SHE: variants seen among roughly 807,000 people sequenced by gnomAD.
SHE encodes Src homology 2 domain containing E, also known as SH2 domain-containing adapter protein E.
A neutral mutation model predicts 49.8 loss-of-function variants in SHE; 11 were observed. That is an observed-to-expected ratio of 0.22 (90% CI 0.14 to 0.37). The LOEUF (loss-of-function observed/expected upper bound fraction) is 0.37, where lower values mean the gene tolerates loss of function less well. SHE is among the 10% of genes least tolerant of loss of function. The pLI is 1.00. For missense variants in SHE, 624 were observed against 655.5 expected (o/e 0.95, Z 0.52); for synonymous variants, 310 against 278.1 (o/e 1.11, Z -1.14).
chr1:154,492,790 T>G lies in SHE; in HGVS notation c.719-3434A>C, dbSNP rs571274917. 3.3e-5 allele frequency among the ~76,000 whole-genome samples: 5 copies of G among 152,362 alleles called. No homozygotes were observed. In the South Asian group the frequency reaches 1.0e-3, roughly 32 times the overall value. On this transcript the variant is annotated intron_variant, in intron 2 of 5. Coordinates refer to ENST00000304760, the MANE Select transcript of SHE (RefSeq NM_001010846.3). The stretch of plus-strand genomic sequence containing the variant: ...AATTTTAAGGTTTCTAATCATAGTT[T>G]ACACTCAGTTGAGACCATCTGGCAC...
At chr1:154,489,399 A>T (rs776746965) in intron 2 of SHE, 43 bp from the exon 3 acceptor site, 2 of 1,577,596 alleles carry the variant, frequency 1.3e-6, no homozygotes, top group Admixed American at 3.6e-5. Context: ...CACCATACAC[A>T]ATGTCTTGAA....
At chr1:154,494,947 G>A (rs1314960871) in intron 2 of SHE, among the ~76,000 whole-genome samples, 1 of 152,234 alleles carries the variant, frequency 6.6e-6, no homozygotes, top group Non-Finnish European at 1.5e-5. Context: ...AGTTACTTGG[G>A]AGGCTGAGGC....
In SHE at chr1:154,481,591, A is replaced by T; in HGVS notation, c.*2558T>A. ...TTTAGTGCACAAAGAAAAATTGTAT[A>T]AAGCTTTTAGCATTTATTAAAATTA... is the stretch of plus-strand genomic sequence containing the variant. On this transcript the variant is annotated 3_prime_UTR_variant, in exon 6 of 6. Coordinates refer to ENST00000304760, the MANE Select transcript of SHE (RefSeq NM_001010846.3). The T allele has an allele frequency of 1.0e-6, 1 of 985,316 alleles. No individual in the cohort carries two copies. Among genetic ancestry groups the T allele is most frequent in the Non-Finnish European group, 1.2e-6 (1 of 829,818 alleles). 61.0% of individuals were successfully genotyped at this position (985,316 alleles called of 1,614,324 possible). A position where few individuals can be genotyped will look rare whatever the true frequency, so the allele number is the denominator to read the frequency against.
At position 154,480,949 on chromosome 1, in the gene SHE, G is replaced by A; in HGVS notation, c.*3200C>T. ...AGAAGGTGTGATCAAGAAGAACACTGACACAGCTCTATGGATGCTAAATTC... is the reference window on the plus strand; with the variant it reads ...AGAAGGTGTGATCAAGAAGAACACTAACACAGCTCTATGGATGCTAAATTC... On this transcript the variant is annotated 3_prime_UTR_variant, in exon 6 of 6. Transcript: ENST00000304760. 1 of 985,378 alleles carries A rather than the reference G, an allele frequency of 1.0e-6. No individual in the cohort carries two copies. The allele number at this position is 985,378 out of a possible 1,614,324, so 61.0% of individuals were successfully genotyped here.
Position 154,487,722 on chromosome 1 carries a change from C to T in SHE, c.1025-1039G>A, listed in dbSNP as rs558593305. 4.4e-4 allele frequency among the ~76,000 whole-genome samples: 67 copies of T among 151,044 alleles called. 1 individual carries two copies. Among genetic ancestry groups the T allele is most frequent in the African/African-American group, 1.5e-3 (63 of 41,166 alleles). On this transcript the variant is annotated intron_variant, in intron 3 of 5. Coordinates refer to ENST00000304760, the MANE Select transcript of SHE (RefSeq NM_001010846.3). ...AGAATAATCCGGGAGTGGTGGTGCA[C>T]GCCTGTAGTCCCAGCTCTTCGGGGG...
In SHE at chr1:154,486,031, C is replaced by T. The variant is rs768087831; in HGVS notation, c.1213G>A (p.Ala405Thr). ...WYHGAISRAE[A>T]ESRLQPCKEA... ...TTGCAGGGCTGTAGTCGACTCTCAG[C>T]CTCAGCACGGCTGATGGCACCATGA... Residue 405 changes from alanine to threonine, a missense_variant, in exon 5 of 6, where the codon GCT becomes ACT. This residue lies in a region of SHE where 125 missense variants were observed against 181.7 expected (regional missense o/e 0.69). Coordinates refer to ENST00000304760, the MANE Select transcript of SHE (RefSeq NM_001010846.3). 1 of 1,614,050 alleles carries T rather than the reference C, an allele frequency of 6.2e-7. No homozygotes were observed. Among genetic ancestry groups the T allele is most frequent in the Non-Finnish European group, 8.5e-7 (1 of 1,179,910 alleles).
At chr1:154,496,868 T>C (rs151230589) in intron 2 of SHE, among the ~76,000 whole-genome samples, 9 of 152,324 alleles carry the variant, frequency 5.9e-5, no homozygotes, top group African/African-American at 2.2e-4. Context: ...AACTACCTAC[T>C]TCAGTTAAAG....
chr1:154,499,324 G>A, intron 1 of SHE, 86 bp from the exon 2 acceptor site: 1 of 1,457,884 alleles, frequency 6.9e-7, no homozygotes, highest in South Asian at 1.3e-5. Context: ...GACATCTCCT[G>A]CATATCCAAG....
chr1:154,499,365 T>C (rs946362140), intron 1 of SHE, 127 bp from the exon 2 acceptor site: 6 of 1,071,602 alleles, frequency 5.6e-6, no homozygotes, highest in Non-Finnish European at 7.8e-6. Context: ...CAGTTCCAGA[T>C]AGCTTTTGCA....
chr1:154,476,972 G>C (rs1373443922), downstream of SHE, among the ~76,000 whole-genome samples: 4 of 152,184 alleles, frequency 2.6e-5, no homozygotes, highest in Non-Finnish European at 5.9e-5. Flanking sequence ...AGTAATTCTG[G>C]TGCTACCTGT....
chr1:154,498,156 A>T (rs1051870514), intron 2 of SHE, among the ~76,000 whole-genome samples: 8 of 151,234 alleles, frequency 5.3e-5, no homozygotes, highest in Non-Finnish European at 1.0e-4. Flanking sequence ...GCAATGGCTC[A>T]ATCTTGGCTC....
intron 1 of SHE, among the ~76,000 whole-genome samples, chr1:154,473,909 T>C (rs1691814446): frequency 6.6e-6 from 1 of 152,238 alleles, no homozygotes; most frequent in Non-Finnish European, 1.5e-5. Context: ...ATGTAAGTAT[T>C]CTCACCTGTT....
chr1:154,502,091 G>A lies in SHE; in HGVS notation c.-65C>T. The A allele has an allele frequency of 2.5e-6, 3 of 1,185,238 alleles. No individual in the cohort carries two copies. The highest frequency in any genetic ancestry group is 3.2e-6 in the Non-Finnish European group (3 of 949,482). 73.4% of individuals were successfully genotyped at this position (1,185,238 alleles called of 1,614,324 possible). On this transcript the variant is annotated 5_prime_UTR_variant, in exon 1 of 6. Transcript: ENST00000304760. ...GCGACGGCTGCTCCGTGCGCCCCCGGCCGGCCGTCGCCCACGCCCGGCAGG... is the reference window on the plus strand; with the variant it reads ...GCGACGGCTGCTCCGTGCGCCCCCGACCGGCCGTCGCCCACGCCCGGCAGG...
rs1006853909 is a variant in SHE, at chr1:154,483,140, C to A, written c.*1009G>T. On this transcript the variant is annotated 3_prime_UTR_variant, in exon 6 of 6. Transcript: ENST00000304760. ...CAGAATTCTAATAATGATGCCAATGCCTAATGATATTGGTGATTCTTAAAC... is the reference window on the plus strand; with the variant it reads ...CAGAATTCTAATAATGATGCCAATGACTAATGATATTGGTGATTCTTAAAC... 2.0e-6 allele frequency: 2 copies of A among 983,968 alleles called. No homozygotes were observed. The highest frequency in any genetic ancestry group is 1.7e-5 in the African/African-American group (1 of 57,184). The allele number at this position is 983,968 out of a possible 1,614,324, so 61.0% of individuals were successfully genotyped here. A position where few individuals can be genotyped will look rare whatever the true frequency, so the allele number is the denominator to read the frequency against.
chr1:154,492,019 T>A (rs186122119), intron 2 of SHE, among the ~76,000 whole-genome samples: 1 of 152,132 alleles, frequency 6.6e-6, no homozygotes, highest in Non-Finnish European at 1.5e-5. Context: ...AAAACAGGTG[T>A]GGGGATGGTC....
chr1:154,478,938 T>G (rs1182254501), downstream of SHE, among the ~76,000 whole-genome samples: 1 of 152,224 alleles, frequency 6.6e-6, no homozygotes, highest in Non-Finnish European at 1.5e-5. Flanking sequence ...GGGAAAACTT[T>G]TTGATAGCAG....
intron 3 of SHE, 136 bp from the exon 4 acceptor site, chr1:154,486,819 C>T (rs1692195128): frequency 2.2e-6 from 2 of 910,742 alleles, no homozygotes; most frequent in East Asian, 5.3e-5. Context: ...TAATATACTG[C>T]AAAATACCCT....
At chr1:154,471,241 C>T (rs1691736491) in intron 1 of SHE, among the ~76,000 whole-genome samples, 1 of 151,966 alleles carries the variant, frequency 6.6e-6, no homozygotes, top group Admixed American at 6.6e-5. Flanking sequence ...CAAAACAGGC[C>T]AGGCGCAGTG....
chr1:154,484,587 A>C, intron 5 of SHE: 1 of 395,678 alleles, frequency 2.5e-6, no homozygotes, highest in Non-Finnish European at 4.5e-6. Flanking sequence ...AAAACAATTA[A>C]AAAGAATGCC....
Sources: allele counts gnomAD v4.1 joint callset (sites outside exome capture counted in the v4.1 genomes callset), GRCh38; gene constraint gnomAD v4.1.1; regional missense constraint gnomAD v4.1.1; transcripts MANE v1.5; gene names NCBI Gene and HGNC (gene_info 2026-07-23, HGNC 2026-07-21).